INSYN2A: variants seen among roughly 807,000 people sequenced by gnomAD.
The protein encoded by INSYN2A is family with sequence similarity 196 member A.
A neutral mutation model predicts 39.4 loss-of-function variants in INSYN2A; 17 were observed. That is an observed-to-expected ratio of 0.43 (90% CI 0.30 to 0.65). INSYN2A has a LOEUF of 0.65. Among genes scored for constraint, INSYN2A ranks in the 30% least tolerant of loss-of-function variants. The pLI is 0.14. For missense variants in INSYN2A, 595 were observed against 631.2 expected (o/e 0.94, Z 0.61); for synonymous variants, 255 against 265.7 (o/e 0.96, Z 0.39).
chr10:127,184,155 C>T (rs957327029), intron 2 of INSYN2A, among the ~76,000 whole-genome samples: 4 of 152,082 alleles, frequency 2.6e-5, no homozygotes, highest in Non-Finnish European at 5.9e-5. Context: ...CTGTGCTTAC[C>T]CCAGCTGAGC....
rs1177882722 is a variant in INSYN2A at position 127,137,880 on chromosome 10, G to A, written c.1397C>T (p.Thr466Ile). The A allele has an allele frequency of 6.2e-7, 1 of 1,614,026 alleles. No homozygotes were observed. Among genetic ancestry groups the A allele is most frequent in the Non-Finnish European group, 8.5e-7 (1 of 1,180,020 alleles). ...YSSTPKQKSKTESKKHGRWKL... is the reference protein window; with the variant it reads ...YSSTPKQKSKIESKKHGRWKL... Reference sequence around the variant, plus strand: ...CCATCTTCCGTGCTTTTTAGATTCAGTTTTGGATTTTTGCTTGGGAGTTGA... The same window carrying A: ...CCATCTTCCGTGCTTTTTAGATTCAATTTTGGATTTTTGCTTGGGAGTTGA... The change falls in exon 6 of 6, where the codon ACT becomes ATT. Residue 466 changes from threonine to isoleucine, a missense_variant. Coordinates refer to ENST00000522781, the MANE Select transcript of INSYN2A (RefSeq NM_001039762.3).
At chr10:127,181,396 ATGTCCG>A (rs1181936100) in intron 2 of INSYN2A, among the ~76,000 whole-genome samples, 1 of 152,194 alleles carries the variant, frequency 6.6e-6, no homozygotes, top group Non-Finnish European at 1.5e-5. Flanking sequence ...CATTCTTAAA[ATGTCCG>A]TGCTGATTTG....
chr10:127,140,530 G>A (rs1365347281), intron 5 of INSYN2A, among the ~76,000 whole-genome samples: 2 of 152,184 alleles, frequency 1.3e-5, no homozygotes, highest in Non-Finnish European at 2.9e-5. Flanking sequence ...GCCAGGCAAC[G>A]TGTGCAGAGG....
intron 4 of INSYN2A, among the ~76,000 whole-genome samples, chr10:127,156,569 T>A (rs1485322634): frequency 2.9e-5 from 4 of 139,520 alleles, no homozygotes; most frequent in South Asian, 2.4e-4. Context: ...CTTCTTTTTT[T>A]TTTTTTTTTT....
chr10:127,167,955 G>C, intron 4 of INSYN2A, among the ~76,000 whole-genome samples: 1 of 152,164 alleles, frequency 6.6e-6, no homozygotes, highest in Non-Finnish European at 1.5e-5. Context: ...AACCTCAAAG[G>C]TAGTAACTTA....
In INSYN2A at chr10:127,135,970, T is replaced by C. The variant is rs1373815822; in HGVS notation, c.*1867A>G. 1.3e-5 allele frequency: 2 copies of C among 152,668 alleles called. No homozygotes were observed. The highest frequency in any genetic ancestry group is 6.5e-5 in the Admixed American group (1 of 15,286). 9.5% of individuals were successfully genotyped at this position (152,668 alleles called of 1,614,324 possible). A position where few individuals can be genotyped will look rare whatever the true frequency, so the allele number is the denominator to read the frequency against. ...GAAACCCATTTTTAAATATTTAGTC[T>C]ACGTGAAACAGTTACACTTCCTTCA... On this transcript the variant is annotated 3_prime_UTR_variant, in exon 6 of 6. Coordinates refer to ENST00000522781, the MANE Select transcript of INSYN2A (RefSeq NM_001039762.3).
intron 4 of INSYN2A, among the ~76,000 whole-genome samples, chr10:127,166,002 G>A (rs2054037199): frequency 6.6e-6 from 1 of 152,146 alleles, no homozygotes; most frequent in Non-Finnish European, 1.5e-5. Flanking sequence ...TCAAGTAAAA[G>A]GGAAAATCCA....
intron 4 of INSYN2A, among the ~76,000 whole-genome samples, chr10:127,162,704 A>C (rs1240078186): frequency 6.6e-6 from 1 of 152,186 alleles, no homozygotes; most frequent in Non-Finnish European, 1.5e-5. Context: ...ATTTCTACTT[A>C]GTGTTCTAAT....
chr10:127,160,721 G>A (rs2053525668), intron 4 of INSYN2A, among the ~76,000 whole-genome samples: 1 of 152,222 alleles, frequency 6.6e-6, no homozygotes, highest in African/African-American at 2.4e-5. Context: ...GCTAGAGATG[G>A]TGGTTGTTGC....
chr10:127,194,717 TGAGG>T (rs1322360462), intron 1 of INSYN2A, among the ~76,000 whole-genome samples: 1 of 152,062 alleles, frequency 6.6e-6, no homozygotes, highest in East Asian at 1.9e-4. Context: ...AAGTCCTCGT[TGAGG>T]GGGGAGCGTT....
At chr10:127,145,323 C>T (rs1306544245) in intron 5 of INSYN2A, among the ~76,000 whole-genome samples, 1 of 152,196 alleles carries the variant, frequency 6.6e-6, no homozygotes, top group Non-Finnish European at 1.5e-5. Flanking sequence ...CCATGACTAA[C>T]AGCACCGCCA....
At chr10:127,142,937 C>T (rs1415999284) in intron 5 of INSYN2A, among the ~76,000 whole-genome samples, 1 of 152,192 alleles carries the variant, frequency 6.6e-6, no homozygotes, top group East Asian at 1.9e-4. Context: ...GAAGAATCTG[C>T]CCTACATCTC....
chr10:127,153,469 A>G (rs1316075087), intron 5 of INSYN2A, among the ~76,000 whole-genome samples: 1 of 152,180 alleles, frequency 6.6e-6, no homozygotes. Flanking sequence ...AGGTCTTTCC[A>G]TGGTATTCCT....
At chr10:127,153,945 G>A (rs1412312332) in intron 4 of INSYN2A, 22 bp from the exon 5 acceptor site, 5 of 1,600,368 alleles carry the variant, frequency 3.1e-6, no homozygotes, top group Admixed American at 3.3e-5. Flanking sequence ...GAACAGGAGA[G>A]CATTACAAGC....
intron 5 of INSYN2A, among the ~76,000 whole-genome samples, chr10:127,145,746 C>A (rs373147232): frequency 1.3e-5 from 2 of 152,194 alleles, no homozygotes; most frequent in Non-Finnish European, 2.9e-5. Flanking sequence ...GCCCGGAACC[C>A]TGGTTTCTAG....
intron 2 of INSYN2A, among the ~76,000 whole-genome samples, chr10:127,181,588 T>G (rs2055740093): frequency 6.6e-6 from 1 of 152,218 alleles, no homozygotes; most frequent in African/African-American, 2.4e-5. Context: ...CCTAGTGGCT[T>G]TCTCACTGTT....
At chr10:127,142,878 G>A (rs1178765107) in intron 5 of INSYN2A, among the ~76,000 whole-genome samples, 2 of 152,296 alleles carry the variant, frequency 1.3e-5, no homozygotes, top group East Asian at 3.9e-4. Flanking sequence ...AAAGTTTTAA[G>A]TGTGGGGACT....
chr10:127,176,425 G>A lies in INSYN2A; in HGVS notation c.-5-25C>T. 2.6e-6 allele frequency: 4 copies of A among 1,558,064 alleles called. No individual in the cohort carries two copies. The highest frequency in any genetic ancestry group is 3.5e-6 in the Non-Finnish European group (4 of 1,150,256). On this transcript the variant is annotated intron_variant, in intron 3 of 5. Coordinates refer to ENST00000522781, the MANE Select transcript of INSYN2A (RefSeq NM_001039762.3). The surrounding 1 kb of genome is among the most constrained non-coding windows in gnomAD (Gnocchi z 4.4). ...CCTGCATTCAGAAACAGCAACAGAG[G>A]TGTCAGTGGGACAGAAATACACACT...
At chr10:127,158,691 G>T (rs958991201) in intron 4 of INSYN2A, among the ~76,000 whole-genome samples, 1 of 152,160 alleles carries the variant, frequency 6.6e-6, no homozygotes, top group African/African-American at 2.4e-5. Flanking sequence ...ATTGTGAAAA[G>T]TTCTAGTCTT....
Sources: allele counts gnomAD v4.1 joint callset (sites outside exome capture counted in the v4.1 genomes callset), GRCh38; gene constraint gnomAD v4.1.1; non-coding constraint Gnocchi (gnomAD v3.1); transcripts MANE v1.5; gene names NCBI Gene and HGNC (gene_info 2026-07-23, HGNC 2026-07-21).